The following ZNF605 variants were observed in gnomAD, a reference collection of about 807,000 sequenced individuals.
The protein encoded by ZNF605 is zinc finger protein 605.
A neutral mutation model predicts 7.9 loss-of-function variants in ZNF605; 9 were observed. That is an observed-to-expected ratio of 1.14 (90% CI 0.68 to 1.98). The LOEUF is 1.98. ZNF605 is among the 30% of genes most tolerant of loss of function. The pLI is 0.00. For synonymous variants in ZNF605, 255 were observed against 260.1 expected (o/e 0.98, Z 0.19); for missense variants, 673 against 762.4 (o/e 0.88, Z 1.38).
rs1188685075 is a variant in ZNF605 at position 132,927,004 on chromosome 12, C to T, written c.295G>A (p.Glu99Lys). 6.2e-7 allele frequency: 1 copy of T among 1,611,420 alleles called. No homozygotes were observed. Among genetic ancestry groups the T allele is most frequent in the African/African-American group, 1.3e-5 (1 of 75,008 alleles). Residue 99 changes from glutamate (E) to lysine (K), a missense_variant, in exon 5 of 5, where the codon GAA (glutamate) becomes AAA (lysine). Glu to Lys is a moderately conservative substitution (Grantham distance 56). Coordinates refer to ENST00000360187, the MANE Select transcript of ZNF605 (RefSeq NM_183238.4). ...GLRSHKCGTG[E>K]KSLKCPFDLL... ...TCAAAAGGACATTTCAAACTTTTTT[C>T]TCCTGTGCCACATTTATGGGATCGC...
intron 3 of ZNF605, among the ~76,000 whole-genome samples, chr12:132,938,404 G>A (rs1468008870): frequency 1.3e-5 from 2 of 150,688 alleles, no homozygotes; most frequent in East Asian, 2.0e-4. Flanking sequence ...GGGTTCTAGC[G>A]ATTCTCCTGC....
At chr12:132,946,317 T>C (rs1357184660) in intron 2 of ZNF605, among the ~76,000 whole-genome samples, 6 of 152,102 alleles carry the variant, frequency 3.9e-5, no homozygotes, top group African/African-American at 1.4e-4. Flanking sequence ...AAGGAAAACA[T>C]AGATCAGAGG....
At chr12:132,948,663 C>T (rs1358809685) in intron 1 of ZNF605, 1 of 152,284 alleles carries the variant, frequency 6.6e-6, no homozygotes, top group African/African-American at 2.4e-5. Context: ...AGTCTCCGCT[C>T]CCCTGCCTCA....
chr12:132,939,569 C>T (rs1362813254), intron 3 of ZNF605, among the ~76,000 whole-genome samples: 23 of 152,054 alleles, frequency 1.5e-4, no homozygotes, highest in Non-Finnish European at 2.8e-4. Flanking sequence ...CGTGGAGAAC[C>T]TTTGTATCTA....
Position 132,926,587 on chromosome 12 carries a change from AC to A in ZNF605, c.711del (p.Lys237AsnfsTer37), listed in dbSNP as rs1952250231. 6.2e-7 allele frequency: 1 copy of A among 1,614,036 alleles called. No individual in the cohort carries two copies. Among genetic ancestry groups the A allele is most frequent in the Non-Finnish European group, 8.5e-7 (1 of 1,180,012 alleles). ...ATTCTCTGATGTAAAATGAGGAGTG[AC>A]TTCCTACTAAAAGCTTTCTGACATT... ...CSECQKAFSR[K>X]SLLILHQRIH... On this transcript the variant is annotated frameshift_variant, in exon 5 of 5. Transcript: ENST00000360187. LOFTEE classifies it low-confidence loss of function (END_TRUNC).
At chr12:132,934,297 T>C (rs1169655178) in intron 3 of ZNF605, among the ~76,000 whole-genome samples, 8 of 151,702 alleles carry the variant, frequency 5.3e-5, no homozygotes, top group Non-Finnish European at 7.4e-5. Flanking sequence ...AATAAATAAA[T>C]AAACAACAAC....
chr12:132,930,382 C>A (rs936619419), intron 4 of ZNF605, among the ~76,000 whole-genome samples: 1 of 152,116 alleles, frequency 6.6e-6, no homozygotes, highest in Non-Finnish European at 1.5e-5. Context: ...CTCTTTATTT[C>A]TTTCCTTCAT....
In ZNF605 at chr12:132,936,914, G is replaced by A. The variant is rs1593588787; in HGVS notation, c.16-3759C>T. 2.6e-5 allele frequency among the ~76,000 whole-genome samples: 4 copies of A among 152,288 alleles called. No individual in the cohort carries two copies. In the East Asian group the frequency reaches 7.7e-4, roughly 29 times the overall value. ...TGCTCTGTGAAAGACAATGTTAAGA[G>A]AAAGAGAAGGCACGGCACAGACTAA... On this transcript the variant is annotated intron_variant, in intron 3 of 4. Transcript: ENST00000360187.
At position 132,925,812 on chromosome 12, in the gene ZNF605, T is replaced by C. The variant is rs774529368; in HGVS notation, c.1487A>G (p.Gln496Arg). 2 of 1,614,204 alleles carry C rather than the reference T, an allele frequency of 1.2e-6. No homozygotes were observed. Among genetic ancestry groups the C allele is most frequent in the South Asian group, 2.2e-5 (2 of 91,088 alleles). The change falls in exon 5 of 5, where the codon CAG (glutamine) becomes CGG (arginine). Residue 496 changes from glutamine to arginine, a missense_variant. Coordinates refer to ENST00000360187, the MANE Select transcript of ZNF605 (RefSeq NM_183238.4). ...FSEKSSLIHH[Q>R]RTHTGEKPFE... ...GGGCTTTTCTCCAGTATGGGTTCTC[T>C]GATGATGAATGAGACTTGACTTCTC...
At chr12:132,937,484 T>C (rs1295933603) in intron 3 of ZNF605, among the ~76,000 whole-genome samples, 2 of 151,850 alleles carry the variant, frequency 1.3e-5, no homozygotes, top group South Asian at 2.1e-4. Flanking sequence ...ATGTACTTAT[T>C]AGAAGGCTAA....
intron 1 of ZNF605, among the ~76,000 whole-genome samples, chr12:132,951,964 T>G (rs941663492): frequency 6.6e-6 from 1 of 151,368 alleles, no homozygotes; most frequent in Non-Finnish European, 1.5e-5. Flanking sequence ...ATACATCACA[T>G]ACACACACGT....
In ZNF605 at chr12:132,925,415, C is replaced by G; in HGVS notation, c.1884G>C (p.Arg628Ser). 1 of 1,605,984 alleles carries G rather than the reference C, an allele frequency of 6.2e-7. No homozygotes were observed. Among genetic ancestry groups the G allele is most frequent in the South Asian group, 1.1e-5 (1 of 89,908 alleles). ...GCNECGTTFN[R>S]KSQLMIHQRN... ...TCTGATGTATCATAAGCTGCGACTT[C>G]CTGTTGAAGGTGGTCCCACACTCAT... The change falls in exon 5 of 5, where the codon AGG becomes AGC. Residue 628 changes from arginine to serine, a missense_variant. Transcript: ENST00000360187.
chr12:132,945,933 G>A (rs944493571), intron 2 of ZNF605, 136 bp from the exon 3 acceptor site: 18 of 581,010 alleles, frequency 3.1e-5, no homozygotes, highest in African/African-American at 1.3e-4. Context: ...CAGGGCTAGC[G>A]GGCGGGAAGC....
At chr12:132,950,844 C>T (rs1952553082) in intron 1 of ZNF605, among the ~76,000 whole-genome samples, 1 of 151,436 alleles carries the variant, frequency 6.6e-6, no homozygotes, top group Non-Finnish European at 1.5e-5. Flanking sequence ...GAACATCACA[C>T]ATACAGACAT....
In ZNF605 at chr12:132,926,116, A is replaced by G. The variant is rs1204697866; in HGVS notation, c.1183T>C (p.Cys395Arg). The stretch of plus-strand genomic sequence containing the variant: ...AAGAAGGCCTCCTCACAATCACTGC[A>G]TCGATAGTTCTTCTCTCCTGTGTGA... ...ITHTGEKNYR[C>R]SDCEEAFFKK... The change falls in exon 5 of 5, where the codon TGC becomes CGC. Residue 395 changes from cysteine (C) to arginine (R), a missense_variant. Coordinates refer to ENST00000360187, the MANE Select transcript of ZNF605 (RefSeq NM_183238.4). 6.2e-7 allele frequency: 1 copy of G among 1,614,200 alleles called. No individual in the cohort carries two copies. The highest frequency in any genetic ancestry group is 1.1e-5 in the South Asian group (1 of 91,088).
In ZNF605 at chr12:132,926,619, C is replaced by T. The variant is rs1952250439; in HGVS notation, c.680G>A (p.Cys227Tyr). 1 of 1,614,194 alleles carries T rather than the reference C, an allele frequency of 6.2e-7. No homozygotes were observed. The highest frequency in any genetic ancestry group is 1.3e-5 in the African/African-American group (1 of 75,044). Residue 227 changes from cysteine to tyrosine, a missense_variant, in exon 5 of 5, where the codon TGC (cysteine) becomes TAC (tyrosine). By Grantham distance (194) the Cys-to-Tyr change is radical. Coordinates refer to ENST00000360187, the MANE Select transcript of ZNF605 (RefSeq NM_183238.4). Reference protein sequence around the residue: ...RTHSGEKPHGCSECQKAFSRK... With the variant: ...RTHSGEKPHGYSECQKAFSRK... ...ACTAAAAGCTTTCTGACATTCGCTG[C>T]ACCCATGCGGTTTTTCTCCTGAGTG... is the stretch of plus-strand genomic sequence containing the variant.
At chr12:132,937,151 G>T (rs1952374946) in intron 3 of ZNF605, among the ~76,000 whole-genome samples, 1 of 152,080 alleles carries the variant, frequency 6.6e-6, no homozygotes, top group African/African-American at 2.4e-5. Context: ...CTGAGGTCAG[G>T]AGTTCAAGAC....
intron 3 of ZNF605, among the ~76,000 whole-genome samples, chr12:132,943,781 A>C (rs1277099852): frequency 2.0e-5 from 3 of 150,486 alleles, no homozygotes; most frequent in African/African-American, 7.3e-5. Context: ...ATCTGCACTG[A>C]TGCAACTGGC....
chr12:132,944,347 G>A (rs2137154208), intron 3 of ZNF605, among the ~76,000 whole-genome samples: 1 of 152,284 alleles, frequency 6.6e-6, no homozygotes, highest in Non-Finnish European at 1.5e-5. Flanking sequence ...GCAGGGAAAG[G>A]GTGAGAGGGG....
Sources: allele counts gnomAD v4.1 joint callset (sites outside exome capture counted in the v4.1 genomes callset), GRCh38; gene constraint gnomAD v4.1.1; transcripts MANE v1.5; gene names NCBI Gene and HGNC (gene_info 2026-07-23, HGNC 2026-07-21).